The following PTPRE variants were observed in gnomAD, a reference collection of about 807,000 sequenced individuals.
PTPRE encodes receptor-type tyrosine-protein phosphatase epsilon.
In PTPRE, 51 loss-of-function variants were observed where a neutral mutation model predicts 102.0. The observed-to-expected ratio is 0.50, with a 90% CI of 0.40 to 0.63. The LOEUF is 0.63. Ranked by LOEUF, PTPRE falls within the 30% of genes least tolerant of loss-of-function variation. The probability of loss-of-function intolerance (pLI) is 0.00; values close to 1 mark genes in which losing one functional copy is unlikely to be tolerated. For missense variants in PTPRE, 752 were observed against 915.1 expected (o/e 0.82, Z 2.30); for synonymous variants, 345 against 348.2 (o/e 0.99, Z 0.10).
At chr10:127,910,865 C>G (rs572957577) in intron 1 of PTPRE, among the ~76,000 whole-genome samples, 2 of 152,120 alleles carry the variant, frequency 1.3e-5, no homozygotes, top group South Asian at 2.1e-4. Context: ...ACGCAGATCA[C>G]TTGAGGCCAG....
At chr10:128,048,477 A>G (rs1003021088) in intron 5 of PTPRE, among the ~76,000 whole-genome samples, 4 of 152,168 alleles carry the variant, frequency 2.6e-5, no homozygotes, top group African/African-American at 4.8e-5. Context: ...AGTCAGTTCT[A>G]TGGTTTGGGG....
intron 2 of PTPRE, among the ~76,000 whole-genome samples, chr10:128,019,704 A>T (rs1845712202): frequency 2.0e-5 from 3 of 152,122 alleles, no homozygotes; most frequent in Non-Finnish European, 4.4e-5. Context: ...CATGTGCATT[A>T]AGGTTCTCCC....
chr10:127,945,663 G>T (rs1236873441), intron 1 of PTPRE, among the ~76,000 whole-genome samples: 2 of 152,150 alleles, frequency 1.3e-5, no homozygotes, highest in African/African-American at 4.8e-5. Flanking sequence ...TGAGATGTTT[G>T]GGCTGAGCAG....
chr10:127,987,819 C>T (rs905966698), intron 2 of PTPRE, among the ~76,000 whole-genome samples: 1 of 152,130 alleles, frequency 6.6e-6, no homozygotes, highest in Non-Finnish European at 1.5e-5. Flanking sequence ...TCAAAACTGC[C>T]CTCTTCATTT....
chr10:127,953,796 A>G lies in PTPRE; in HGVS notation c.-30-28478A>G, dbSNP rs544316642. 1.3e-3 allele frequency among the ~76,000 whole-genome samples: 194 copies of G among 152,304 alleles called. 1 individual carries two copies. The highest frequency in any genetic ancestry group is 4.6e-3 in the African/African-American group (191 of 41,564). On this transcript the variant is annotated intron_variant, in intron 1 of 20. Transcript: ENST00000254667. ...CCCCTTTCTGGGATGTCCCTGAATG[A>G]CAGTGGTGAAGGGAAATCTTCTCAA...
Position 128,047,262 on chromosome 10 carries a change from A to AT in PTPRE, c.110-127dup, listed in dbSNP as rs1435820495. The AT allele has an allele frequency of 8.2e-6, 11 of 1,344,362 alleles. No individual in the cohort carries two copies. In the Admixed American group the frequency reaches 8.3e-5, roughly 10 times the overall value. 83.3% of individuals were successfully genotyped at this position (1,344,362 alleles called of 1,614,324 possible). A position where few individuals can be genotyped will look rare whatever the true frequency, so the allele number is the denominator to read the frequency against. ...TGTTACCTCGTGGGGCCTTTTCAGG[A>AT]TGATGGATCCACTTTACAAAATATA... is the stretch of plus-strand genomic sequence containing the variant. On this transcript the variant is annotated intron_variant, in intron 3 of 20. Transcript: ENST00000254667.
chr10:127,951,457 T>C (rs918492579), intron 1 of PTPRE, among the ~76,000 whole-genome samples: 3 of 152,218 alleles, frequency 2.0e-5, no homozygotes, highest in Non-Finnish European at 4.4e-5. Context: ...CTGACATTGA[T>C]TCCAGGAGAC....
intron 15 of PTPRE, chr10:128,071,192 A>T (rs1449684080): frequency 1.1e-5 from 5 of 450,750 alleles, no homozygotes; most frequent in Non-Finnish European, 8.0e-6. Flanking sequence ...GGAGGGCTTC[A>T]CAGAAGCTGG....
chr10:127,932,706 T>C (rs1473445182), intron 1 of PTPRE, among the ~76,000 whole-genome samples: 1 of 152,190 alleles, frequency 6.6e-6, no homozygotes, highest in Admixed American at 6.5e-5. Context: ...AAAGTACCAC[T>C]CACTCAGTGG....
chr10:127,992,798 C>T (rs1437491329), intron 2 of PTPRE, among the ~76,000 whole-genome samples: 1 of 152,182 alleles, frequency 6.6e-6, no homozygotes, highest in African/African-American at 2.4e-5. Context: ...TGCAACAAAT[C>T]CAAATACCTC....
intron 1 of PTPRE, among the ~76,000 whole-genome samples, chr10:127,978,240 A>G (rs934252408): frequency 9.2e-5 from 14 of 152,142 alleles, no homozygotes; most frequent in Admixed American, 2.6e-4. Context: ...CAAAAACAAA[A>G]AAAAACAAGC....
intron 16 of PTPRE, 79 bp from the exon 17 acceptor site, chr10:128,073,258 C>A: frequency 6.4e-7 from 1 of 1,574,626 alleles, no homozygotes; most frequent in African/African-American, 1.3e-5. Context: ...AGGCCTTAGG[C>A]TGTCCTAAAC....
At chr10:127,993,166 A>G (rs1852861377) in intron 2 of PTPRE, among the ~76,000 whole-genome samples, 1 of 152,178 alleles carries the variant, frequency 6.6e-6, no homozygotes, top group African/African-American at 2.4e-5. Context: ...TGTCACAGCA[A>G]CCCAGGGGCT....
chr10:128,062,418 C>A (rs1174062819), intron 9 of PTPRE, among the ~76,000 whole-genome samples: 1 of 152,254 alleles, frequency 6.6e-6, no homozygotes, highest in African/African-American at 2.4e-5. Context: ...ACCTGACGAT[C>A]CTGGCTGAAG....
intron 2 of PTPRE, among the ~76,000 whole-genome samples, chr10:128,037,563 C>G (rs993977638): frequency 1.1e-4 from 16 of 152,026 alleles, no homozygotes; most frequent in Admixed American, 1.0e-3. Context: ...GGCTGCCTGA[C>G]CTAAGAACTT....
intron 1 of PTPRE, among the ~76,000 whole-genome samples, chr10:127,945,408 G>A (rs770382067): frequency 3.9e-5 from 6 of 152,172 alleles, no homozygotes; most frequent in Non-Finnish European, 8.8e-5. Context: ...CAGACTTTGG[G>A]CTCCTTGCCT....
chr10:128,069,982 G>A (rs554137691), intron 13 of PTPRE, 155 bp downstream of exon 13: 56 of 1,134,986 alleles, frequency 4.9e-5, no homozygotes, highest in Middle Eastern at 2.1e-4. Flanking sequence ...CTGCCCACGC[G>A]TGGGACCTCA....
chr10:128,009,653 T>C (rs1471396656), intron 2 of PTPRE, among the ~76,000 whole-genome samples: 1 of 152,248 alleles, frequency 6.6e-6, no homozygotes, highest in Non-Finnish European at 1.5e-5. Context: ...CCTGAACTTG[T>C]GGCCCAGGCT....
chr10:127,986,669 G>A (rs1164590252), intron 2 of PTPRE, among the ~76,000 whole-genome samples: 1 of 152,148 alleles, frequency 6.6e-6, no homozygotes, highest in Non-Finnish European at 1.5e-5. Flanking sequence ...ACTCATTTGT[G>A]TTTCTTGATG....
Sources: allele counts gnomAD v4.1 joint callset (sites outside exome capture counted in the v4.1 genomes callset), GRCh38; gene constraint gnomAD v4.1.1; transcripts MANE v1.5; gene names NCBI Gene and HGNC (gene_info 2026-07-23, HGNC 2026-07-21).